The following FBXW11 variants were observed in gnomAD, a reference collection of about 807,000 sequenced individuals.
The protein encoded by FBXW11 is F-box and WD repeat domain containing 11.
In FBXW11, 19 loss-of-function variants were observed where a neutral mutation model predicts 77.6. That is an observed-to-expected ratio of 0.24 (90% CI 0.17 to 0.36). FBXW11 has a LOEUF of 0.36. FBXW11 is among the 10% of genes least tolerant of loss of function. The probability of loss-of-function intolerance (pLI) is 1.00; values close to 1 mark genes in which losing one functional copy is unlikely to be tolerated. For synonymous variants in FBXW11, 235 were observed against 249.4 expected, an observed-to-expected ratio of 0.94 and a Z score of 0.54; for missense variants, 334 against 704.2, an observed-to-expected ratio of 0.47 and a Z score of 5.95.
chr5:172,002,696 C>CTTT lies in FBXW11; in HGVS notation c.45+3759_45+3761dup, dbSNP rs34300477. Among the ~76,000 whole-genome samples the CTTT allele has an allele frequency of 5.2e-3, 503 of 97,046 alleles. 30 individuals carry two copies. The highest frequency in any genetic ancestry group is 0.016 in the African/African-American group (343 of 21,062). 63.7% of individuals were successfully genotyped at this position (97,046 alleles called of 152,430 possible). A position where few individuals can be genotyped will look rare whatever the true frequency, so the allele number is the denominator to read the frequency against. On this transcript the variant is annotated intron_variant, in intron 1 of 13. Transcript: ENST00000517395. ...TATTCGTTTCTTTCTTTTTTCTTTTCTTTTTTTTTTTTTTTTTTTTTGAGA... is the reference window on the plus strand; with the variant it reads ...TATTCGTTTCTTTCTTTTTTCTTTTCTTTTTTTTTTTTTTTTTTTTTTTTGAGA...
chr5:171,996,438 A>T (rs1766051616), intron 1 of FBXW11, among the ~76,000 whole-genome samples: 1 of 152,220 alleles, frequency 6.6e-6, no homozygotes, highest in Non-Finnish European at 1.5e-5. Context: ...AGGCCAAGGC[A>T]GGCAAATCAT....
chr5:171,878,253 C>G, intron 7 of FBXW11, 124 bp from the exon 8 acceptor site: 1 of 656,652 alleles, frequency 1.5e-6, no homozygotes, highest in Non-Finnish European at 2.7e-6. Flanking sequence ...ATAAGAAACA[C>G]TGAATAACAA....
intron 7 of FBXW11, among the ~76,000 whole-genome samples, chr5:171,879,657 T>C (rs1307901394): frequency 2.0e-5 from 3 of 152,232 alleles, no homozygotes; most frequent in African/African-American, 4.8e-5. Flanking sequence ...AGGTGTGTAG[T>C]AGTGTCTCAC....
intron 6 of FBXW11, among the ~76,000 whole-genome samples, chr5:171,894,934 C>A (rs1759642071): frequency 6.6e-6 from 1 of 152,008 alleles, no homozygotes. Flanking sequence ...AAAACGTTAA[C>A]CAAAAAAAAG....
At chr5:171,875,906 A>G (rs767498808) in intron 9 of FBXW11, among the ~76,000 whole-genome samples, 2 of 152,302 alleles carry the variant, frequency 1.3e-5, no homozygotes, top group South Asian at 2.1e-4. Flanking sequence ...GATCACCAAC[A>G]CAATCCTTTA....
Position 171,973,648 on chromosome 5 carries a change from T to C in FBXW11, c.46-15950A>G, listed in dbSNP as rs532256101. Among the ~76,000 whole-genome samples, 9 of 152,278 alleles carry C rather than the reference T, an allele frequency of 5.9e-5. No individual in the cohort carries two copies. The South Asian group carries it at 1.9e-3, about 32-fold the overall frequency. On this transcript the variant is annotated intron_variant, in intron 1 of 13. Transcript: ENST00000517395. ...GGACATTAAGTAAAAACTAAGGAAA[T>C]CTGAATAAATCTTGGACTTTAGTTA...
In FBXW11 at chr5:171,862,043, C is replaced by CA. The variant is rs1192198435; in HGVS notation, c.*2083dup. The CA allele has an allele frequency of 3.3e-5, 5 of 152,606 alleles. No individual in the cohort carries two copies. Among genetic ancestry groups the CA allele is most frequent in the Non-Finnish European group, 7.4e-5 (5 of 68,020 alleles). The allele number at this position is 152,606 out of a possible 1,614,324, so 9.5% of individuals were successfully genotyped here. On this transcript the variant is annotated 3_prime_UTR_variant, in exon 14 of 14. Coordinates refer to ENST00000517395, the MANE Select transcript of FBXW11 (RefSeq NM_001378974.1). ...TGCATATTCAAAGGCCATCATCTCC[C>CA]AAGGAACGAGGGGAACTTCTATATT...
At position 171,891,527 on chromosome 5, in the gene FBXW11, G is replaced by A. The variant is rs753373360; in HGVS notation, c.792C>T (p.Val264=). The A allele has an allele frequency of 6.2e-7, 1 of 1,610,814 alleles. No individual in the cohort carries two copies. Among genetic ancestry groups the A allele is most frequent in the Admixed American group, 1.7e-5 (1 of 59,610 alleles). ...TTTCATCATCGTACTGTAAACAGTA[G>A]ACACCTTTACTATTTTCAGAGCGGC... ...IQCRSENSKG[V]YCLQYDDEKI... The change falls in exon 7 of 14, where the codon GTC becomes GTT. Residue 264 remains valine (V), a synonymous_variant. Coordinates refer to ENST00000517395, the MANE Select transcript of FBXW11 (RefSeq NM_001378974.1).
chr5:171,897,750 C>T (rs777169800), intron 6 of FBXW11, among the ~76,000 whole-genome samples: 1 of 151,586 alleles, frequency 6.6e-6, no homozygotes, highest in Non-Finnish European at 1.5e-5. Context: ...AATAGTTGCC[C>T]CTCATCAAGT....
chr5:171,962,972 A>C (rs183375687), intron 1 of FBXW11, among the ~76,000 whole-genome samples: 1 of 152,154 alleles, frequency 6.6e-6, no homozygotes, highest in Admixed American at 6.5e-5. Flanking sequence ...CCCACCACCA[A>C]TCTTTTTATT....
chr5:172,006,429 G>A (rs2113642809), intron 1 of FBXW11, 29 bp downstream of exon 1: 5 of 1,527,312 alleles, frequency 3.3e-6, no homozygotes, highest in Non-Finnish European at 4.4e-6. Flanking sequence ...ACGGACGGAA[G>A]CACAGACGGT....
intron 11 of FBXW11, among the ~76,000 whole-genome samples, chr5:171,870,159 C>G (rs968820181): frequency 2.6e-5 from 4 of 152,122 alleles, no homozygotes; most frequent in African/African-American, 9.7e-5. Flanking sequence ...AGCTAGGGCT[C>G]TGTGTGAAAT....
intron 1 of FBXW11, 142 bp downstream of exon 1, chr5:172,006,316 G>C: frequency 3.1e-6 from 2 of 652,914 alleles, no homozygotes; most frequent in Non-Finnish European, 2.3e-6. Context: ...CCAGGTCCGA[G>C]GCCAGGGAAG....
chr5:171,908,739 G>A (rs1263829703), intron 4 of FBXW11: 1 of 152,172 alleles, frequency 6.6e-6, no homozygotes, highest in Non-Finnish European at 1.5e-5. Flanking sequence ...GAAATCAGAA[G>A]CTGGTTTGTC....
At chr5:171,992,563 G>T (rs1018962137) in intron 1 of FBXW11, among the ~76,000 whole-genome samples, 4 of 151,818 alleles carry the variant, frequency 2.6e-5, no homozygotes, top group Non-Finnish European at 5.9e-5. Flanking sequence ...GAAGAGAGGA[G>T]AGGGTAGTAA....
chr5:171,870,653 T>C, intron 11 of FBXW11, 95 bp downstream of exon 11: 2 of 871,058 alleles, frequency 2.3e-6, no homozygotes, highest in Admixed American at 4.4e-5. Context: ...AAACCTACCA[T>C]AGGACCTGGT....
At chr5:171,882,651 G>T (rs1372505722) in intron 7 of FBXW11, among the ~76,000 whole-genome samples, 1 of 151,904 alleles carries the variant, frequency 6.6e-6, no homozygotes, top group Non-Finnish European at 1.5e-5. Flanking sequence ...TTTGATCCAT[G>T]TGCTATTTAG....
chr5:171,992,128 G>GA (rs397768542), intron 1 of FBXW11, among the ~76,000 whole-genome samples: 10,049 of 85,272 alleles, frequency 0.12, 405 homozygotes, highest in Middle Eastern at 0.32. Flanking sequence ...AAGAAAAAAA[G>GA]AAAAAAAAAA....
At chr5:171,991,664 A>AT (rs1765745176) in intron 1 of FBXW11, among the ~76,000 whole-genome samples, 1 of 152,230 alleles carries the variant, frequency 6.6e-6, no homozygotes, top group African/African-American at 2.4e-5. Flanking sequence ...GATGCATAAA[A>AT]TTTGAGTTTG....
Sources: allele counts gnomAD v4.1 joint callset (sites outside exome capture counted in the v4.1 genomes callset), GRCh38; gene constraint gnomAD v4.1.1; transcripts MANE v1.5; gene names NCBI Gene and HGNC (gene_info 2026-07-23, HGNC 2026-07-21).